EPPK1: variants seen among roughly 807,000 people sequenced by gnomAD.
The protein encoded by EPPK1 is epiplakin 1.
For synonymous variants in EPPK1, 1,862 were observed against 1,721.2 expected (o/e 1.08, Z -2.03); for missense variants, 3,823 against 3,673.3 (o/e 1.04, Z -1.05).
rs181726887 is a variant in EPPK1, at chr8:143,875,377, G to A, written c.-45-2079C>T. ...CTTCCCTTCTGCAGATACTGGTCCCGGGCCTCCTCCAGGCATCCTGCTGCT... is the reference window on the plus strand; with the variant it reads ...CTTCCCTTCTGCAGATACTGGTCCCAGGCCTCCTCCAGGCATCCTGCTGCT... On this transcript the variant is annotated intron_variant, in intron 1 of 1. Coordinates refer to ENST00000615648, the MANE Select transcript of EPPK1 (RefSeq NM_031308.4). 1.2e-3 allele frequency among the ~76,000 whole-genome samples: 190 copies of A among 152,272 alleles called. 1 individual carries two copies. Among genetic ancestry groups the A allele is most frequent in the African/African-American group, 4.3e-3 (179 of 41,546 alleles).
chr8:143,868,066 C>G lies in EPPK1; in HGVS notation c.5188G>C (p.Asp1730His). 1 of 1,613,570 alleles carries G rather than the reference C, an allele frequency of 6.2e-7. No individual in the cohort carries two copies. Among genetic ancestry groups the G allele is most frequent in the Non-Finnish European group, 8.5e-7 (1 of 1,180,024 alleles). Residue 1730 changes from aspartate to histidine, a missense_variant, in exon 2 of 2, where the codon GAC becomes CAC. Asp to His is a moderately conservative substitution (Grantham distance 81). Transcript: ENST00000615648. Reference sequence around the variant, plus strand: ...GTGAGGTTCTCGTGCGTGTTGGGGTCGAAGAAGCCCTTGGTGTCGTCGCTG... The same window carrying G: ...GTGAGGTTCTCGTGCGTGTTGGGGTGGAAGAAGCCCTTGGTGTCGTCGCTG... ...DPSDDTKGFF[D>H]PNTHENLTYL... is the part of the protein sequence containing the mutation.
At position 143,866,290 on chromosome 8, in the gene EPPK1, AGAGG is replaced by A. The variant is rs1819102130; in HGVS notation, c.6960_6963del (p.Leu2321SerfsTer51). On this transcript the variant is annotated frameshift_variant, in exon 2 of 2. Transcript: ENST00000615648. LOFTEE classifies it low-confidence loss of function (END_TRUNC). ...ATGAGGTCCTTCTGCATGGCCTGGA[AGAGG>A]GAGATCTGCTGCCCGGTGTAGGGGT... 2.0e-5 allele frequency: 10 copies of A among 503,900 alleles called. No homozygotes were observed. The South Asian group carries it at 2.1e-4, about 11-fold the overall frequency. The allele number at this position is 503,900 out of a possible 1,614,324, so 31.2% of individuals were successfully genotyped here.
rs370791408 is a variant in EPPK1, at chr8:143,868,135, A to G, written c.5119T>C (p.Cys1707Arg). Residue 1707 changes from cysteine (C) to arginine (R), a missense_variant, in exon 2 of 2, where the codon TGC becomes CGC. Physicochemically the swap from Cys to Arg is radical, Grantham distance 180. Transcript: ENST00000615648. Reference protein sequence around the residue: ...HRVPVDVAYRCGYFDEEMNRI... With the variant: ...HRVPVDVAYRRGYFDEEMNRI... ...TTCATCTCCTCGTCGAAGTAGCCGC[A>G]GCGGTAGGCCACGTCCACGGGCACG... The G allele has an allele frequency of 2.7e-5, 44 of 1,613,088 alleles. No homozygotes were observed. Among genetic ancestry groups the G allele is most frequent in the Middle Eastern group, 1.6e-4 (1 of 6,084 alleles).
chr8:143,867,338 T>G lies in EPPK1; in HGVS notation c.5916A>C (p.Glu1972Asp). ...GATCCCTGTAGCCCGTGGCAGCTCT[T>G]TCAGCCTTCAGGAGCCTCTCCCGCA... is the stretch of plus-strand genomic sequence containing the variant. Reference protein sequence around the residue: ...EELRERLLKAERAATGYRDPA... With the variant: ...EELRERLLKADRAATGYRDPA... The change falls in exon 2 of 2, where the codon GAA becomes GAC. Residue 1972 changes from glutamate to aspartate, a missense_variant. Coordinates refer to ENST00000615648, the MANE Select transcript of EPPK1 (RefSeq NM_031308.4). 1 of 1,612,736 alleles carries G rather than the reference T, an allele frequency of 6.2e-7. No individual in the cohort carries two copies. Among genetic ancestry groups the G allele is most frequent in the East Asian group, 2.2e-5 (1 of 44,868 alleles).
Position 143,866,976 on chromosome 8 carries a change from T to C in EPPK1, c.6278A>G (p.Glu2093Gly). The C allele has an allele frequency of 6.2e-7, 1 of 1,612,858 alleles. No individual in the cohort carries two copies. Among genetic ancestry groups the C allele is most frequent in the Non-Finnish European group, 8.5e-7 (1 of 1,179,882 alleles). The stretch of plus-strand genomic sequence containing the variant: ...CCTTCTCGTCTCGTCATCGATGTGC[T>C]CGGAGTCCCGTGCAGCCTTGTTCAC... ...FPVNKAARDS[E>G]HIDDETRRAL... The change falls in exon 2 of 2, where the codon GAG (glutamate) becomes GGG (glycine). Residue 2093 changes from glutamate to glycine, a missense_variant. By Grantham distance (98) the Glu-to-Gly change is moderately conservative (BLOSUM62 -2). Transcript: ENST00000615648.
At position 143,866,408 on chromosome 8, in the gene EPPK1, C is replaced by G. The variant is rs1265217945; in HGVS notation, c.6846G>C (p.Ser2282=). 8.6e-7 allele frequency: 1 copy of G among 1,156,074 alleles called. No homozygotes were observed. The highest frequency in any genetic ancestry group is 1.2e-6 in the Non-Finnish European group (1 of 853,556). The allele number at this position is 1,156,074 out of a possible 1,614,324, so 71.6% of individuals were successfully genotyped here. Residue 2282 remains serine (S), a synonymous_variant, in exon 2 of 2, where the codon TCG becomes TCC. Transcript: ENST00000615648. ...VIDPVRNLRL[S]VEEAVAAGVV... ...CGCCCGCGGCCACGGCCTCCTCCAC[C>G]GACAGCCTCAGGTTGCGCACGGGGT...
Position 143,859,647 on chromosome 8 carries a change from A to T in EPPK1, c.13607T>A (p.Leu4536Gln). 1 of 583,526 alleles carries T rather than the reference A, an allele frequency of 1.7e-6. No homozygotes were observed. The highest frequency in any genetic ancestry group is 2.8e-5 in the East Asian group (1 of 35,964). The allele number at this position is 583,526 out of a possible 1,614,324, so 36.1% of individuals were successfully genotyped here. ...GTCCGGGTCGGGCACGCAGCGGCGC[A>T]GCAGCTGCACGTACGTGAGGTTCTC... The part of the protein sequence containing the change: ...THENLTYVQL[L>Q]RRCVPDPDTG... The change falls in exon 2 of 2, where the codon CTG becomes CAG. Residue 4536 changes from leucine (L) to glutamine (Q), a missense_variant. Coordinates refer to ENST00000615648, the MANE Select transcript of EPPK1 (RefSeq NM_031308.4).
In EPPK1 at chr8:143,869,788, C is replaced by T. The variant is rs782512370; in HGVS notation, c.3466G>A (p.Glu1156Lys). 6.2e-7 allele frequency: 1 copy of T among 1,605,640 alleles called. No homozygotes were observed. The highest frequency in any genetic ancestry group is 1.7e-5 in the Admixed American group (1 of 59,102). ...TCCTCCAGCAGGCCCCTCCGTTGCT[C>T]CTCGGTGAAGTGGCAGGAGCTGAGC... Reference protein sequence around the residue: ...DLLSSCHFTEEQRRGLLEDVQ... With the variant: ...DLLSSCHFTEKQRRGLLEDVQ... Residue 1156 changes from glutamate (E) to lysine (K), a missense_variant, in exon 2 of 2, where the codon GAG (glutamate) becomes AAG (lysine). Transcript: ENST00000615648.
In EPPK1 at chr8:143,866,607, A is replaced by T. The variant is rs1819114150; in HGVS notation, c.6647T>A (p.Val2216Asp). The T allele has an allele frequency of 6.2e-7, 1 of 1,612,754 alleles. No homozygotes were observed. Among genetic ancestry groups the T allele is most frequent in the Non-Finnish European group, 8.5e-7 (1 of 1,179,840 alleles). The part of the protein sequence containing the change: ...TTQELMEDDR[V>D]KRYLEGTSCI... ...GCTGGTGCCCTCCAGGTAGCGCTTG[A>T]CGCGGTCGTCCTCCATGAGCTCTTG... Residue 2216 changes from valine to aspartate, a missense_variant, in exon 2 of 2, where the codon GTC becomes GAC. Physicochemically the swap from Val to Asp is radical, Grantham distance 152. Coordinates refer to ENST00000615648, the MANE Select transcript of EPPK1 (RefSeq NM_031308.4).
In EPPK1 at chr8:143,867,027, T is replaced by G; in HGVS notation, c.6227A>C (p.Glu2076Ala). 6.2e-7 allele frequency: 1 copy of G among 1,612,850 alleles called. No individual in the cohort carries two copies. ...TGGGAACAGCAGCCAGCCCGTGTCC[T>G]CTTGTGGGCGGCACCTCTCCTGCAG... The part of the protein sequence containing the change: ...RELQERCRPQ[E>A]DTGWLLFPVN... Residue 2076 changes from glutamate (E) to alanine (A), a missense_variant, in exon 2 of 2, where the codon GAG becomes GCG. Physicochemically the swap from Glu to Ala is moderately radical, Grantham distance 107 (BLOSUM62 -1). Transcript: ENST00000615648.
Position 143,872,023 on chromosome 8 carries a change from G to T in EPPK1, c.1231C>A (p.Leu411Ile). Residue 411 changes from leucine to isoleucine, a missense_variant, in exon 2 of 2, where the codon CTC (leucine) becomes ATC (isoleucine). Transcript: ENST00000615648. ...AGGGCGGCCTCCAGGGGCAGCCGGA[G>T]CCTGCGTGCTGGACAGACCAGCCCG... Reference protein sequence around the residue: ...TGGLVCPARRLRLPLEAALRC... With the variant: ...TGGLVCPARRIRLPLEAALRC... The T allele has an allele frequency of 6.4e-7, 1 of 1,563,978 alleles. No homozygotes were observed. Among genetic ancestry groups the T allele is most frequent in the South Asian group, 1.2e-5 (1 of 86,464 alleles).
Position 143,866,428 on chromosome 8 carries a change from CG to C in EPPK1, c.6825del (p.Val2276CysfsTer4). The C allele has an allele frequency of 1.6e-6, 2 of 1,273,064 alleles. No individual in the cohort carries two copies. Among genetic ancestry groups the C allele is most frequent in the Non-Finnish European group, 2.1e-6 (2 of 947,086 alleles). 78.9% of individuals were successfully genotyped at this position (1,273,064 alleles called of 1,614,324 possible). A position where few individuals can be genotyped will look rare whatever the true frequency, so the allele number is the denominator to read the frequency against. ...TCCACCGACAGCCTCAGGTTGCGCA[CG>C]GGGTCGATGACGAAGCCGGTGGCCG... ...AQAATGFVID[P>X]VRNLRLSVEE... On this transcript the variant is annotated frameshift_variant, in exon 2 of 2. Transcript: ENST00000615648. LOFTEE classifies it low-confidence loss of function (END_TRUNC).
At position 143,868,551 on chromosome 8, in the gene EPPK1, T is replaced by C; in HGVS notation, c.4703A>G (p.Glu1568Gly). ...GACCCCGGCAATGAAGTTGCCTCCC[T>C]CCAGGGACCGCTTCACGCTGTCCAT... ...AEMDSVKRSLEGGNFIAGVLI... is the reference protein window; with the variant it reads ...AEMDSVKRSLGGGNFIAGVLI... The change falls in exon 2 of 2, where the codon GAG becomes GGG. Residue 1568 changes from glutamate to glycine, a missense_variant. Coordinates refer to ENST00000615648, the MANE Select transcript of EPPK1 (RefSeq NM_031308.4). 6.2e-7 allele frequency: 1 copy of C among 1,605,038 alleles called. No individual in the cohort carries two copies. The highest frequency in any genetic ancestry group is 8.5e-7 in the Non-Finnish European group (1 of 1,176,412).
Position 143,866,398 on chromosome 8 carries a change from C to T in EPPK1, c.6856G>A (p.Ala2286Thr). Residue 2286 changes from alanine (A) to threonine (T), a missense_variant, in exon 2 of 2, where the codon GCC becomes ACC. Coordinates refer to ENST00000615648, the MANE Select transcript of EPPK1 (RefSeq NM_031308.4). Reference sequence around the variant, plus strand: ...CCGCCCACCACGCCCGCGGCCACGGCCTCCTCCACCGACAGCCTCAGGTTG... The same window carrying T: ...CCGCCCACCACGCCCGCGGCCACGGTCTCCTCCACCGACAGCCTCAGGTTG... ...VRNLRLSVEE[A>T]VAAGVVGGEI... 4.6e-6 allele frequency: 5 copies of T among 1,088,294 alleles called. No homozygotes were observed. The highest frequency in any genetic ancestry group is 6.3e-6 in the Non-Finnish European group (5 of 793,984). 67.4% of individuals were successfully genotyped at this position (1,088,294 alleles called of 1,614,324 possible).
At chr8:143,873,658 C>T (rs1280995908) in intron 1 of EPPK1, among the ~76,000 whole-genome samples, 6 of 151,870 alleles carry the variant, frequency 4.0e-5, no homozygotes, top group African/African-American at 1.5e-4. Flanking sequence ...TGGTCCCATC[C>T]TTAGCCCTGC....
upstream of EPPK1, among the ~76,000 whole-genome samples, chr8:143,878,625 C>T (rs1253538082): frequency 6.6e-6 from 1 of 151,594 alleles, no homozygotes; most frequent in African/African-American, 2.4e-5. Context: ...GGGCAAGGGG[C>T]GGCGGCTGGG....
Position 143,870,080 on chromosome 8 carries a change from G to A in EPPK1, c.3174C>T (p.Leu1058=), listed in dbSNP as rs1554660614. The A allele has an allele frequency of 6.2e-7, 1 of 1,610,816 alleles. No individual in the cohort carries two copies. The highest frequency in any genetic ancestry group is 1.3e-5 in the African/African-American group (1 of 75,016). ...GIIDPTSHHH[L]PMPVAIQRGY... ...CACGCTGAATGGCCACTGGCATGGG[G>A]AGGTGGTGGTGGCTGGTGGGGTCAA... The change falls in exon 2 of 2, where the codon CTC becomes CTT. Residue 1058 remains leucine, a synonymous_variant. Coordinates refer to ENST00000615648, the MANE Select transcript of EPPK1 (RefSeq NM_031308.4). The surrounding 1 kb of genome is among the most constrained non-coding windows in gnomAD (Gnocchi z 5.2).
At chr8:143,878,886 G>A (rs1445610034), upstream of EPPK1, among the ~76,000 whole-genome samples, 1 of 152,080 alleles carries the variant, frequency 6.6e-6, no homozygotes, top group African/African-American at 2.4e-5. Context: ...TTCACGTCGT[G>A]TGTCTGCTGG....
Position 143,871,821 on chromosome 8 carries a change from TG to T in EPPK1, c.1432del (p.Gln478ArgfsTer14), listed in dbSNP as rs1554661318. 6.2e-7 allele frequency: 1 copy of T among 1,612,322 alleles called. No individual in the cohort carries two copies. The highest frequency in any genetic ancestry group is 8.5e-7 in the Non-Finnish European group (1 of 1,179,788). On this transcript the variant is annotated frameshift_variant, in exon 2 of 2. Transcript: ENST00000615648. LOFTEE classifies it low-confidence loss of function (END_TRUNC). ...GCTGTACTTGATGAATGGGGGTCCCTGGGGCTCCCCTCCCCGGGGTCCCCCT... is the reference window on the plus strand; with the variant it reads ...GCTGTACTTGATGAATGGGGGTCCCTGGGCTCCCCTCCCCGGGGTCCCCCT... ...LSGGPRGGEP[Q>X]GPPFIKYSTR...
Sources: allele counts gnomAD v4.1 joint callset (sites outside exome capture counted in the v4.1 genomes callset), GRCh38; gene constraint gnomAD v4.1.1; non-coding constraint Gnocchi (gnomAD v3.1); transcripts MANE v1.5; gene names NCBI Gene and HGNC (gene_info 2026-07-23, HGNC 2026-07-21).